ADGRL2: variants seen among roughly 807,000 people sequenced by gnomAD.
ADGRL2 encodes calcium-independent alpha-latrotoxin receptor 2.
ADGRL2 carries 44 observed loss-of-function variants against 157.4 expected under a neutral mutation model. That is an observed-to-expected ratio of 0.28 (90% CI 0.22 to 0.36). The LOEUF is 0.36. Ranked by LOEUF, ADGRL2 falls within the 10% of genes least tolerant of loss-of-function variation. The pLI, the probability that ADGRL2 is intolerant of heterozygous loss-of-function variation, is 1.00. For missense variants in ADGRL2, 1,510 were observed against 1,768.9 expected, an observed-to-expected ratio of 0.85 and a Z score of 2.63; for synonymous variants, 585 against 624.7, an observed-to-expected ratio of 0.94 and a Z score of 0.95.
intron 2 of ADGRL2, among the ~76,000 whole-genome samples, chr1:81,869,664 G>A (rs2093640024): frequency 6.6e-6 from 1 of 151,904 alleles, no homozygotes; most frequent in African/African-American, 2.4e-5. Context: ...AAAGGTGAAT[G>A]TCAGTCACAT....
At chr1:81,469,082 C>T (rs2078118096) in intron 2 of ADGRL2, among the ~76,000 whole-genome samples, 1 of 152,188 alleles carries the variant, frequency 6.6e-6, no homozygotes, top group Non-Finnish European at 1.5e-5. Flanking sequence ...AAAGCATGCT[C>T]TGTCAGTGGT....
At chr1:81,963,815 T>TA (rs1345126162) in intron 11 of ADGRL2, among the ~76,000 whole-genome samples, 1 of 151,342 alleles carries the variant, frequency 6.6e-6, no homozygotes, top group African/African-American at 2.4e-5. Context: ...AAGTATCCTA[T>TA]ATTTTTTTGT....
At chr1:81,485,400 T>C (rs2078479024) in intron 2 of ADGRL2, among the ~76,000 whole-genome samples, 1 of 152,130 alleles carries the variant, frequency 6.6e-6, no homozygotes, top group African/African-American at 2.4e-5. Context: ...TTTTTGAACA[T>C]GTTTATGATA....
upstream of ADGRL2, among the ~76,000 whole-genome samples, chr1:81,698,715 C>T (rs2083495907): frequency 6.6e-6 from 1 of 152,168 alleles, no homozygotes; most frequent in South Asian, 2.1e-4. Flanking sequence ...AAGTCAAATG[C>T]ATGACCTTTC....
chr1:81,616,679 C>CTTTTCTTTTTTTTTTTTTTTTTTTTTTT (rs1491482868), intron 3 of ADGRL2, among the ~76,000 whole-genome samples: 1 of 105,988 alleles, frequency 9.4e-6, no homozygotes, highest in South Asian at 3.1e-4. Context: ...CTTTTCTTTT[C>CTTTTCTTTTTTTTTTTTTTTTTTTTTTT]TTTTTTTTTT....
chr1:81,936,664 T>G, intron 3 of ADGRL2, 64 bp from the exon 4 acceptor site: 1 of 940,418 alleles, frequency 1.1e-6, no homozygotes, highest in East Asian at 2.5e-5. Context: ...ACTTCTATGT[T>G]ATATTTAAGT....
At position 81,357,545 on chromosome 1, in the gene ADGRL2, GA is replaced by G. The variant is rs374914833; in HGVS notation, c.-302+51044del. ...TACTTTTTTGTAGTGTGATATCATG[GA>G]AAAAAAATTAAACAGTTAAAAAAAT... is the stretch of plus-strand genomic sequence containing the variant. On this transcript the variant is annotated intron_variant, in intron 1 of 24. Coordinates refer to the ADGRL2 transcript ENST00000370721. 2.8e-3 allele frequency among the ~76,000 whole-genome samples: 423 copies of G among 151,524 alleles called. 1 individual carries two copies. Among genetic ancestry groups the G allele is most frequent in the African/African-American group, 9.9e-3 (407 of 41,296 alleles).
intron 2 of ADGRL2, among the ~76,000 whole-genome samples, chr1:81,478,329 C>T (rs2078315563): frequency 6.6e-6 from 1 of 152,202 alleles, no homozygotes. Flanking sequence ...TCTGCAGAGG[C>T]CACTGGCAGG....
At chr1:81,653,007 T>C (rs945122248) in intron 3 of ADGRL2, among the ~76,000 whole-genome samples, 1 of 152,222 alleles carries the variant, frequency 6.6e-6, no homozygotes, top group African/African-American at 2.4e-5. Context: ...GTCTAGATTT[T>C]ATTAACTGCA....
chr1:81,447,045 CTATTA>C (rs2077610220), intron 2 of ADGRL2, among the ~76,000 whole-genome samples: 1 of 151,918 alleles, frequency 6.6e-6, no homozygotes, highest in South Asian at 2.1e-4. Context: ...ACTAACCATA[CTATTA>C]TAATTTTTAT....
intron 2 of ADGRL2, among the ~76,000 whole-genome samples, chr1:81,781,733 T>C (rs2086822087): frequency 6.6e-6 from 1 of 152,152 alleles, no homozygotes; most frequent in South Asian, 2.1e-4. Flanking sequence ...ATAAAGCATA[T>C]CTTGGCTTGA....
intron 1 of ADGRL2, among the ~76,000 whole-genome samples, chr1:81,810,386 C>T (rs1291425821): frequency 7.0e-6 from 1 of 143,508 alleles, no homozygotes; most frequent in South Asian, 2.3e-4. Flanking sequence ...CAAAGTATTT[C>T]TATGTGGAAT....
chr1:81,885,749 C>G (rs75945697), intron 2 of ADGRL2, among the ~76,000 whole-genome samples: 2,399 of 152,164 alleles, frequency 0.016, 49 homozygotes, highest in African/African-American at 0.048. Flanking sequence ...GGATTCATTG[C>G]GATTTATTAT....
chr1:81,912,927 T>C (rs1211813407), intron 3 of ADGRL2, among the ~76,000 whole-genome samples: 1 of 152,212 alleles, frequency 6.6e-6, no homozygotes, highest in Non-Finnish European at 1.5e-5. Flanking sequence ...GATGAATAAA[T>C]ATAAGACCTG....
At chr1:81,812,692 A>G (rs1194001360) in intron 1 of ADGRL2, among the ~76,000 whole-genome samples, 1 of 151,786 alleles carries the variant, frequency 6.6e-6, no homozygotes. Context: ...AAAGTGTATT[A>G]CATTCCTCTA....
chr1:81,393,025 C>T (rs150105394), intron 1 of ADGRL2, among the ~76,000 whole-genome samples: 1 of 152,086 alleles, frequency 6.6e-6, no homozygotes. Context: ...AACATCTGCA[C>T]ATGAGAGTGT....
intron 3 of ADGRL2, among the ~76,000 whole-genome samples, chr1:81,658,025 T>C (rs1183740042): frequency 6.6e-6 from 1 of 152,230 alleles, no homozygotes; most frequent in Non-Finnish European, 1.5e-5. Context: ...CACTGCCATA[T>C]AGTTTTACTA....
intron 1 of ADGRL2, among the ~76,000 whole-genome samples, chr1:81,390,643 T>G (rs575667512): frequency 2.0e-5 from 3 of 152,300 alleles, no homozygotes; most frequent in Non-Finnish European, 4.4e-5. Context: ...AATAGATTTA[T>G]GTAGTTTTTC....
chr1:81,718,167 G>T (rs988303127), intron 1 of ADGRL2, among the ~76,000 whole-genome samples: 1 of 152,030 alleles, frequency 6.6e-6, no homozygotes, highest in Non-Finnish European at 1.5e-5. Context: ...CCACAGGCAC[G>T]CGCCACCATG....
Sources: gnomAD v4.1 joint callset for allele counts (sites outside exome capture counted in the v4.1 genomes callset) on GRCh38, gnomAD v4.1.1 for gene constraint, MANE v1.5 for transcripts, NCBI Gene and HGNC (gene_info 2026-07-23, HGNC 2026-07-21) for gene names.